The following SECISBP2 variants were observed in gnomAD, a reference collection of about 807,000 sequenced individuals.
SECISBP2 encodes the protein SECIS binding protein 2.
In SECISBP2, 96 loss-of-function variants were observed where a neutral mutation model predicts 98.2. That is an observed-to-expected ratio of 0.98 (90% CI 0.83 to 1.16). The LOEUF is 1.16. Ranked by LOEUF, SECISBP2 falls within the 50% of genes most tolerant of loss-of-function variation. The probability of loss-of-function intolerance (pLI) is 0.00; values close to 1 mark genes in which losing one functional copy is unlikely to be tolerated. For missense variants in SECISBP2, 1,046 were observed against 1,022.9 expected (o/e 1.02, Z -0.31); for synonymous variants, 407 against 370.2 (o/e 1.10, Z -1.14).
intron 2 of SECISBP2, chr9:89,322,070 G>A (rs547767257): frequency 6.6e-6 from 1 of 152,232 alleles, no homozygotes; most frequent in South Asian, 2.1e-4. Context: ...TACAGAATTT[G>A]TCCTCCTCCA....
chr9:89,353,694 C>G (rs1449028457), intron 14 of SECISBP2, among the ~76,000 whole-genome samples: 5 of 152,200 alleles, frequency 3.3e-5, no homozygotes, highest in Non-Finnish European at 7.3e-5. Flanking sequence ...CTCTCACATT[C>G]TTCCGTGGAT....
At chr9:89,341,520 T>G (rs781775220) in intron 10 of SECISBP2, 41 bp downstream of exon 10, 1 of 1,609,560 alleles carries the variant, frequency 6.2e-7, no homozygotes, top group Admixed American at 1.7e-5. Context: ...ATTGGAAGTC[T>G]TTTTCAGCTA....
chr9:89,324,085 C>T (rs1285174845), intron 2 of SECISBP2: 1 of 151,444 alleles, frequency 6.6e-6, no homozygotes, highest in African/African-American at 2.4e-5. Flanking sequence ...ATTTTTTTTT[C>T]TGTCAACTCA....
At chr9:89,352,173 A>G (rs1208205660) in intron 14 of SECISBP2, among the ~76,000 whole-genome samples, 6 of 152,238 alleles carry the variant, frequency 3.9e-5, no homozygotes, top group Non-Finnish European at 7.4e-5. Flanking sequence ...TTAATTGTCT[A>G]TATACTTAGC....
intron 4 of SECISBP2, among the ~76,000 whole-genome samples, chr9:89,327,030 C>T (rs867274742): frequency 2.2e-4 from 34 of 152,050 alleles, no homozygotes; most frequent in African/African-American, 7.0e-4. Flanking sequence ...GGCGTGGTGG[C>T]GGGCACCTGT....
chr9:89,364,043 C>T (rs962893763), downstream of SECISBP2: 2 of 1,608,016 alleles, frequency 1.2e-6, no homozygotes, highest in Non-Finnish European at 1.7e-6. Context: ...TCTGCTGTCC[C>T]AGTTGGACCT....
At chr9:89,348,958 G>T (rs1486509420) in intron 12 of SECISBP2, among the ~76,000 whole-genome samples, 1 of 152,234 alleles carries the variant, frequency 6.6e-6, no homozygotes, top group Non-Finnish European at 1.5e-5. Flanking sequence ...AAACAGGGTT[G>T]CTGCGGACAG....
At chr9:89,346,529 G>A (rs1411118647) in intron 10 of SECISBP2, among the ~76,000 whole-genome samples, 1 of 152,158 alleles carries the variant, frequency 6.6e-6, no homozygotes, top group Non-Finnish European at 1.5e-5. Context: ...AGCAGTGAGT[G>A]CAGACCACCT....
intron 7 of SECISBP2, among the ~76,000 whole-genome samples, chr9:89,338,117 C>T (rs921188696): frequency 1.3e-5 from 2 of 152,174 alleles, no homozygotes; most frequent in African/African-American, 4.8e-5. Context: ...CTGGGTCGTG[C>T]TGATGGAAAT....
downstream of SECISBP2, among the ~76,000 whole-genome samples, chr9:89,362,910 CAG>C (rs1703761170): frequency 6.6e-6 from 1 of 152,160 alleles, no homozygotes; most frequent in Non-Finnish European, 1.5e-5. Flanking sequence ...CGTGGGGAGA[CAG>C]GGAGCCTCTA....
At chr9:89,324,689 A>G (rs1826387180) in intron 2 of SECISBP2, 1 of 152,558 alleles carries the variant, frequency 6.6e-6, no homozygotes, top group African/African-American at 2.4e-5. Context: ...GGAAATTAAC[A>G]GAAACATTTG....
intron 15 of SECISBP2, 114 bp downstream of exon 15, chr9:89,357,679 T>C (rs956530445): frequency 7.6e-7 from 1 of 1,310,990 alleles, no homozygotes; most frequent in African/African-American, 1.5e-5. Context: ...TAGGCTGTCA[T>C]TGAGGAGGAG....
downstream of SECISBP2, chr9:89,363,561 C>T: frequency 6.2e-7 from 1 of 1,612,680 alleles, no homozygotes; most frequent in Non-Finnish European, 8.5e-7. Flanking sequence ...GGTCAAAGCT[C>T]TGTGGGCCTT....
At chr9:89,349,565 C>T (rs1326355051) in intron 12 of SECISBP2, among the ~76,000 whole-genome samples, 1 of 152,246 alleles carries the variant, frequency 6.6e-6, no homozygotes, top group Non-Finnish European at 1.5e-5. Context: ...AGGCACACCT[C>T]CAGGCATGAC....
rs767499467 is a variant in SECISBP2 at position 89,358,979 on chromosome 9, A to T, written c.*155A>T. 26 of 666,150 alleles carry T rather than the reference A, an allele frequency of 3.9e-5. No homozygotes were observed. Among genetic ancestry groups the T allele is most frequent in the Non-Finnish European group, 6.8e-5 (25 of 369,374 alleles). The allele number at this position is 666,150 out of a possible 1,614,324, so 41.3% of individuals were successfully genotyped here. ...AAAGGGCACATGAAGCAGTGTCTGC[A>T]GGCGTTCAGTGCTGCGGAGCCTGTT... is the stretch of plus-strand genomic sequence containing the variant. On this transcript the variant is annotated 3_prime_UTR_variant, in exon 17 of 17. Transcript: ENST00000375807.
At chr9:89,318,832 G>T in intron 1 of SECISBP2, 1 of 1,273,542 alleles carries the variant, frequency 7.9e-7, no homozygotes, top group Non-Finnish European at 9.9e-7. Context: ...AGTTAGCGCC[G>T]CGTCTGTGGT....
chr9:89,349,069 T>G (rs897123665), intron 12 of SECISBP2, among the ~76,000 whole-genome samples: 2 of 152,218 alleles, frequency 1.3e-5, no homozygotes, highest in Non-Finnish European at 2.9e-5. Flanking sequence ...TTCTGACTGT[T>G]CTACCAGTTA....
intron 14 of SECISBP2, chr9:89,356,380 T>G (rs1262601316): frequency 6.6e-6 from 1 of 152,254 alleles, no homozygotes; most frequent in Non-Finnish European, 1.5e-5. Context: ...AGTGTTAGAT[T>G]AATGTGGAGT....
chr9:89,327,703 C>T (rs750074518), intron 4 of SECISBP2, among the ~76,000 whole-genome samples: 1 of 152,176 alleles, frequency 6.6e-6, no homozygotes, highest in African/African-American at 2.4e-5. Context: ...GGGACAGTAA[C>T]ATGCGTGGAG....
Sources: gnomAD v4.1 joint callset for allele counts (sites outside exome capture counted in the v4.1 genomes callset) on GRCh38, gnomAD v4.1.1 for gene constraint, MANE v1.5 for transcripts, NCBI Gene and HGNC (gene_info 2026-07-23, HGNC 2026-07-21) for gene names.